The following HDAC9 variants were observed in gnomAD, a reference collection of about 807,000 sequenced individuals.
HDAC9 encodes the protein MEF-2 interacting transcription repressor (MITR) protein.
A neutral mutation model predicts 139.4 loss-of-function variants in HDAC9; 41 were observed. The ratio of observed to expected loss-of-function variants is 0.29; its 90% CI spans 0.23 to 0.38. The LOEUF is 0.38. Ranked by LOEUF, HDAC9 falls within the 10% of genes least tolerant of loss-of-function variation. The pLI is 1.00. For synonymous variants in HDAC9, 517 were observed against 476.2 expected (o/e 1.09, Z -1.12); for missense variants, 1,147 against 1,297.0 (o/e 0.88, Z 1.78).
At chr7:18,422,452 C>A (rs1488916221) in intron 1 of HDAC9, among the ~76,000 whole-genome samples, 2 of 152,112 alleles carry the variant, frequency 1.3e-5, no homozygotes, top group South Asian at 4.1e-4. Flanking sequence ...CGATCATAAA[C>A]AAATACTTAT....
At chr7:18,540,789 T>C (rs561805381) in intron 2 of HDAC9, among the ~76,000 whole-genome samples, 55 of 152,314 alleles carry the variant, frequency 3.6e-4, no homozygotes, top group Admixed American at 7.2e-4. Context: ...ATTTAAACAA[T>C]GTAATGTTTT....
intron 19 of HDAC9, among the ~76,000 whole-genome samples, chr7:18,831,577 A>G (rs1795859957): frequency 6.6e-6 from 1 of 152,148 alleles, no homozygotes; most frequent in Non-Finnish European, 1.5e-5. Flanking sequence ...TTCTGTCCAA[A>G]GGGTTGCCTC....
chr7:18,591,424 T>C, intron 4 of HDAC9, 92 bp from the exon 5 acceptor site: 2 of 1,422,758 alleles, frequency 1.4e-6, no homozygotes, highest in Non-Finnish European at 1.8e-6. Flanking sequence ...TCAAATATTC[T>C]AGAGGCATGA....
At chr7:18,883,424 A>T (rs985791765) in intron 22 of HDAC9, among the ~76,000 whole-genome samples, 1 of 152,190 alleles carries the variant, frequency 6.6e-6, no homozygotes, top group Admixed American at 6.6e-5. Context: ...GATTAACAGT[A>T]TGAAGGACAA....
chr7:18,855,042 T>C (rs2129226961), intron 21 of HDAC9, among the ~76,000 whole-genome samples: 1 of 152,268 alleles, frequency 6.6e-6, no homozygotes, highest in East Asian at 1.9e-4. Flanking sequence ...TGCTAAGTGA[T>C]TGGCGTCAGA....
intron 2 of HDAC9, among the ~76,000 whole-genome samples, chr7:18,259,553 T>C (rs1057250292): frequency 6.6e-6 from 1 of 152,008 alleles, no homozygotes; most frequent in African/African-American, 2.4e-5. Flanking sequence ...TTTGTAGAGA[T>C]AGAATCTCAC....
intron 17 of HDAC9, among the ~76,000 whole-genome samples, chr7:18,822,457 C>A (rs544232405): frequency 6.6e-6 from 1 of 152,230 alleles, no homozygotes; most frequent in South Asian, 2.1e-4. Context: ...CGGGTTCAAG[C>A]GATTCTCCTG....
At chr7:18,565,644 G>GA (rs962754408) in intron 2 of HDAC9, among the ~76,000 whole-genome samples, 9 of 150,794 alleles carry the variant, frequency 6.0e-5, no homozygotes, top group African/African-American at 1.2e-4. Context: ...TAGAAAAAAA[G>GA]AAAAAAAAGG....
intron 2 of HDAC9, among the ~76,000 whole-genome samples, chr7:18,573,779 A>C (rs971936700): frequency 1.3e-5 from 2 of 152,154 alleles, no homozygotes; most frequent in Non-Finnish European, 2.9e-5. Flanking sequence ...TGTCTGGATG[A>C]GGGGAACATG....
At chr7:18,988,666 TAA>T (rs1785590774) in intron 25 of HDAC9, among the ~76,000 whole-genome samples, 1 of 152,008 alleles carries the variant, frequency 6.6e-6, no homozygotes, top group Non-Finnish European at 1.5e-5. Context: ...AGTGGGGTGT[TAA>T]AGTCTCCCAT....
chr7:18,251,306 T>C (rs1171533956), intron 2 of HDAC9, among the ~76,000 whole-genome samples: 2 of 152,034 alleles, frequency 1.3e-5, no homozygotes, highest in Admixed American at 6.5e-5. Flanking sequence ...AGCTGAATGA[T>C]GAGAACACAT....
chr7:18,597,307 G>C (rs1441423613), intron 6 of HDAC9, among the ~76,000 whole-genome samples: 1 of 152,020 alleles, frequency 6.6e-6, no homozygotes, highest in African/African-American at 2.4e-5. Context: ...ATTTTTATAT[G>C]CATTGCCCAC....
intron 1 of HDAC9, among the ~76,000 whole-genome samples, chr7:18,318,443 C>A (rs1420402872): frequency 1.3e-5 from 2 of 152,146 alleles, no homozygotes; most frequent in Non-Finnish European, 2.9e-5. Flanking sequence ...TAACTACAGA[C>A]AGCAATAACT....
intron 2 of HDAC9, among the ~76,000 whole-genome samples, chr7:18,536,290 C>T (rs1294830307): frequency 6.6e-6 from 1 of 152,148 alleles, no homozygotes; most frequent in African/African-American, 2.4e-5. Context: ...GCTTTCTTGG[C>T]TGCCTTCCTT....
chr7:18,736,157 A>G (rs1313925068), intron 13 of HDAC9, among the ~76,000 whole-genome samples: 1 of 152,198 alleles, frequency 6.6e-6, no homozygotes, highest in Admixed American at 6.5e-5. Context: ...GGTTTTCTAA[A>G]TATACAATCA....
At chr7:18,722,413 A>T (rs1785212749) in intron 12 of HDAC9, among the ~76,000 whole-genome samples, 1 of 152,210 alleles carries the variant, frequency 6.6e-6, no homozygotes. Context: ...TTAACAGTAG[A>T]TTCTGAACTG....
intron 1 of HDAC9, among the ~76,000 whole-genome samples, chr7:18,290,869 G>A (rs1585024863): frequency 6.6e-6 from 1 of 152,278 alleles, no homozygotes; most frequent in African/African-American, 2.4e-5. Flanking sequence ...ATTATCTACT[G>A]AAGCTGAATG....
chr7:18,895,203 C>A (rs1225534167), intron 22 of HDAC9, among the ~76,000 whole-genome samples: 4 of 152,074 alleles, frequency 2.6e-5, no homozygotes, highest in African/African-American at 9.7e-5. Context: ...TACCATTTCA[C>A]CAGCCATATT....
At chr7:18,200,936 T>C (rs1186301574) in intron 2 of HDAC9, among the ~76,000 whole-genome samples, 10 of 152,210 alleles carry the variant, frequency 6.6e-5, no homozygotes, top group Non-Finnish European at 1.5e-4. Context: ...CATTTTTCAC[T>C]TTGAAGGTGC....
Sources: gnomAD v4.1 joint callset for allele counts (sites outside exome capture counted in the v4.1 genomes callset) on GRCh38, gnomAD v4.1.1 for gene constraint, MANE v1.5 for transcripts, NCBI Gene and HGNC (gene_info 2026-07-23, HGNC 2026-07-21) for gene names.